The following NUDT4 variants were observed in gnomAD, a reference collection of about 807,000 sequenced individuals.
NUDT4 encodes diphosphoinositol polyphosphate phosphohydrolase 2.
In NUDT4, 5 loss-of-function variants were observed where a neutral mutation model predicts 23.1. The observed-to-expected ratio is 0.22, with a 90% CI of 0.11 to 0.46. The LOEUF (loss-of-function observed/expected upper bound fraction) is 0.46. NUDT4 is among the 20% of genes least tolerant of loss of function. The pLI, the probability that NUDT4 is intolerant of heterozygous loss-of-function variation, is 0.99. For synonymous variants in NUDT4, 50 were observed against 79.0 expected (o/e 0.63, Z 1.95); for missense variants, 96 against 211.6 (o/e 0.45, Z 3.39).
At chr12:93,391,861 T>G (rs1302106375) in intron 1 of NUDT4, among the ~76,000 whole-genome samples, 1 of 152,164 alleles carries the variant, frequency 6.6e-6, no homozygotes, top group East Asian at 1.9e-4. Context: ...GTGGACACTT[T>G]TGTTCAAATT....
At chr12:93,396,338 A>G (rs1037728621) in intron 3 of NUDT4, among the ~76,000 whole-genome samples, 2 of 152,208 alleles carry the variant, frequency 1.3e-5, no homozygotes, top group African/African-American at 2.4e-5. Flanking sequence ...TACTGAAGGC[A>G]GAATAGAATT....
rs143251905 is a variant in NUDT4 at position 93,389,186 on chromosome 12, C to T, written c.100-5423C>T. Among the ~76,000 whole-genome samples, 53 of 151,952 alleles carry T rather than the reference C, an allele frequency of 3.5e-4. 2 individuals carry two copies. In the East Asian group the frequency reaches 8.3e-3, roughly 24 times the overall value. On this transcript the variant is annotated intron_variant, in intron 1 of 4. Transcript: ENST00000415493. ...TTATCGGCCTTTTTTTTGAAAGATA[C>T]ATTTGGCTGGGTGTGGTGGCTCATG...
rs1400321939 is a variant in NUDT4 at position 93,377,951 on chromosome 12, G to T, written c.-372G>T. On this transcript the variant is annotated 5_prime_UTR_variant, in exon 1 of 5. Coordinates refer to ENST00000415493, the MANE Select transcript of NUDT4 (RefSeq NM_019094.6). The stretch of plus-strand genomic sequence containing the variant: ...GTCGCCGCGGTGCTGCTGCTCAGTG[G>T]GAGCGGGTCTTCGCAACTGTCTCCG... 4.7e-5 allele frequency: 13 copies of T among 279,198 alleles called. No homozygotes were observed. The highest frequency in any genetic ancestry group is 4.5e-4 in the Admixed American group (10 of 22,012). 17.3% of individuals were successfully genotyped at this position (279,198 alleles called of 1,614,324 possible). A position where few individuals can be genotyped will look rare whatever the true frequency, so the allele number is the denominator to read the frequency against.
chr12:93,382,056 AGACCAGCCT>A (rs1875698061), intron 1 of NUDT4, among the ~76,000 whole-genome samples: 1 of 152,224 alleles, frequency 6.6e-6, no homozygotes, highest in Non-Finnish European at 1.5e-5. Flanking sequence ...CAAGTGTTTG[AGACCAGCCT>A]GGCCAACATG....
At chr12:93,383,358 T>G (rs1328547858) in intron 1 of NUDT4, among the ~76,000 whole-genome samples, 1 of 152,240 alleles carries the variant, frequency 6.6e-6, no homozygotes, top group African/African-American at 2.4e-5. Context: ...ATCAAACCAT[T>G]TTCATAACCT....
rs11315217 is a variant in NUDT4, at chr12:93,382,674, C to CTTTTTTTTTTTTTTT, written c.99+4259_99+4273dup. Among the ~76,000 whole-genome samples the CTTTTTTTTTTTTTTT allele has an allele frequency of 4.8e-3, 534 of 111,592 alleles. 22 individuals are homozygous for CTTTTTTTTTTTTTTT. Among genetic ancestry groups the CTTTTTTTTTTTTTTT allele is most frequent in the Admixed American group, 0.011 (101 of 9,460 alleles). 73.2% of individuals were successfully genotyped at this position (111,592 alleles called of 152,430 possible). On this transcript the variant is annotated intron_variant, in intron 1 of 4. Coordinates refer to ENST00000415493, the MANE Select transcript of NUDT4 (RefSeq NM_019094.6). ...AAAATAAGTACTATCCAAAGGTAGC[C>CTTTTTTTTTTTTTTT]TTTTTTTTTTTTTTTTTTTTGAGAC...
intron 3 of NUDT4, among the ~76,000 whole-genome samples, chr12:93,397,941 T>A (rs1244974114): frequency 6.6e-6 from 1 of 152,088 alleles, no homozygotes; most frequent in Non-Finnish European, 1.5e-5. Context: ...CATTGAAAGG[T>A]TGTCAGGATT....
intron 1 of NUDT4, among the ~76,000 whole-genome samples, chr12:93,379,546 C>A (rs552076631): frequency 3.3e-5 from 5 of 152,124 alleles, no homozygotes; most frequent in African/African-American, 1.2e-4. Context: ...ACGAAAAGTT[C>A]TCGAAATTTG....
intron 1 of NUDT4, among the ~76,000 whole-genome samples, chr12:93,393,104 T>C (rs547503257): frequency 1.0e-3 from 148 of 141,236 alleles, no homozygotes; most frequent in African/African-American, 3.7e-3. Context: ...TTTTTTTTTT[T>C]TTTTCCCCGA....
rs1317292718 is a variant in NUDT4, at chr12:93,406,685, G to T, written c.*7306G>T. The T allele has an allele frequency of 6.6e-6, 1 of 152,106 alleles. No individual in the cohort carries two copies. Among genetic ancestry groups the T allele is most frequent in the Non-Finnish European group, 1.5e-5 (1 of 68,030 alleles). 9.4% of individuals were successfully genotyped at this position (152,106 alleles called of 1,614,324 possible). ...AAACAATAGTGTAACTATTTACATA[G>T]CACTTACATTATAATAGGTATTATA... On this transcript the variant is annotated 3_prime_UTR_variant, in exon 5 of 5. Transcript: ENST00000415493.
chr12:93,388,449 C>T (rs983384126), intron 1 of NUDT4, among the ~76,000 whole-genome samples: 1 of 152,184 alleles, frequency 6.6e-6, no homozygotes, highest in Non-Finnish European at 1.5e-5. Flanking sequence ...TTGAGTATCA[C>T]ACAATTAGTA....
intron 1 of NUDT4, among the ~76,000 whole-genome samples, chr12:93,391,393 CA>C (rs923528182): frequency 1.3e-5 from 2 of 151,768 alleles, no homozygotes; most frequent in African/African-American, 4.8e-5. Context: ...GGCGAAACCC[CA>C]TCTCTACTCA....
At position 93,404,097 on chromosome 12, in the gene NUDT4, C is replaced by G. The variant is rs1248035953; in HGVS notation, c.*4718C>G. The G allele has an allele frequency of 6.6e-6, 1 of 152,214 alleles. No homozygotes were observed. Among genetic ancestry groups the G allele is most frequent in the Non-Finnish European group, 1.5e-5 (1 of 68,038 alleles). 9.4% of individuals were successfully genotyped at this position (152,214 alleles called of 1,614,324 possible). On this transcript the variant is annotated 3_prime_UTR_variant, in exon 5 of 5. Transcript: ENST00000415493. ...GTATCAGACAATGGAAGTAAATTTT[C>G]CTGCTTTTCTCAACTTTTCCTCAAA...
At chr12:93,378,863 G>A (rs1304981983) in intron 1 of NUDT4, 40 of 843,316 alleles carry the variant, frequency 4.7e-5, no homozygotes, top group Non-Finnish European at 5.4e-5. Context: ...TTGCGGTCTC[G>A]GATTCGATCT....
Position 93,377,946 on chromosome 12 carries a change from C to G in NUDT4, c.-377C>G, listed in dbSNP as rs575880723. On this transcript the variant is annotated 5_prime_UTR_variant, in exon 1 of 5. Transcript: ENST00000415493. Reference sequence around the variant, plus strand: ...GCGCGGTCGCCGCGGTGCTGCTGCTCAGTGGGAGCGGGTCTTCGCAACTGT... The same window carrying G: ...GCGCGGTCGCCGCGGTGCTGCTGCTGAGTGGGAGCGGGTCTTCGCAACTGT... The G allele has an allele frequency of 4.0e-5, 12 of 297,518 alleles. No individual in the cohort carries two copies. The highest frequency in any genetic ancestry group is 6.6e-5 in the Non-Finnish European group (10 of 150,396). The allele number at this position is 297,518 out of a possible 1,614,324, so 18.4% of individuals were successfully genotyped here.
At position 93,407,648 on chromosome 12, in the gene NUDT4, TA is replaced by T. The variant is rs1877890190; in HGVS notation, c.*8270del. On this transcript the variant is annotated 3_prime_UTR_variant, in exon 5 of 5. Coordinates refer to ENST00000415493, the MANE Select transcript of NUDT4 (RefSeq NM_019094.6). ...CCAGATCTTCAGATCATTCAAAAGT[TA>T]CCCGAATTCTGGATTTTCATGCAAA... 1 of 152,222 alleles carries T rather than the reference TA, an allele frequency of 6.6e-6. No individual in the cohort carries two copies. Among genetic ancestry groups the T allele is most frequent in the African/African-American group, 2.4e-5 (1 of 41,438 alleles). 9.4% of individuals were successfully genotyped at this position (152,222 alleles called of 1,614,324 possible). A position where few individuals can be genotyped will look rare whatever the true frequency, so the allele number is the denominator to read the frequency against.
At chr12:93,395,227 C>G (rs528430724) in intron 2 of NUDT4, among the ~76,000 whole-genome samples, 13 of 152,262 alleles carry the variant, frequency 8.5e-5, no homozygotes, top group African/African-American at 3.1e-4. Flanking sequence ...CTCAAGTGAT[C>G]CTTCTGCCTC....
At chr12:93,381,580 G>A (rs770669130) in intron 1 of NUDT4, among the ~76,000 whole-genome samples, 7 of 152,146 alleles carry the variant, frequency 4.6e-5, no homozygotes, top group East Asian at 1.9e-4. Flanking sequence ...AAGTGCGGTC[G>A]GGTATTCTGG....
chr12:93,404,005 A>G lies in NUDT4; in HGVS notation c.*4626A>G, dbSNP rs1008240898. On this transcript the variant is annotated 3_prime_UTR_variant, in exon 5 of 5. Transcript: ENST00000415493. ...TTCTGATAACCCGGTATTACTCTTA[A>G]TGCATTTTTGTAACATTTGACAAAC... 2.0e-5 allele frequency: 3 copies of G among 152,204 alleles called. No homozygotes were observed. The highest frequency in any genetic ancestry group is 2.0e-4 in the Admixed American group (3 of 15,276). The allele number at this position is 152,204 out of a possible 1,614,324, so 9.4% of individuals were successfully genotyped here. A position where few individuals can be genotyped will look rare whatever the true frequency, so the allele number is the denominator to read the frequency against.
Sources: gnomAD v4.1 joint callset for allele counts (sites outside exome capture counted in the v4.1 genomes callset) on GRCh38, gnomAD v4.1.1 for gene constraint, MANE v1.5 for transcripts, NCBI Gene and HGNC (gene_info 2026-07-23, HGNC 2026-07-21) for gene names.